The following ESR1 variants were observed in gnomAD, a reference collection of about 807,000 sequenced individuals.
ESR1 encodes estrogen receptor.
ESR1 carries 12 observed loss-of-function variants against 52.7 expected under a neutral mutation model. The observed-to-expected ratio is 0.23, with a 90% CI of 0.15 to 0.37. The LOEUF is 0.37. ESR1 is among the 10% of genes least tolerant of loss of function. The pLI is 1.00. For synonymous variants in ESR1, 305 were observed against 316.8 expected, an observed-to-expected ratio of 0.96 and a Z score of 0.39; for missense variants, 584 against 779.7, an observed-to-expected ratio of 0.75 and a Z score of 2.99.
chr6:151,755,248 A>G (rs1784197651), intron 2 of ESR1, among the ~76,000 whole-genome samples: 1 of 151,880 alleles, frequency 6.6e-6, no homozygotes, highest in Admixed American at 6.6e-5. Flanking sequence ...AACCAAAAAA[A>G]AAAAGCAAAG....
At chr6:151,818,616 A>G (rs1562438702) in intron 1 of ESR1, among the ~76,000 whole-genome samples, 2 of 152,120 alleles carry the variant, frequency 1.3e-5, no homozygotes. Flanking sequence ...TTTCTAGGAC[A>G]TCTTAAAAAC....
chr6:152,011,633 G>C (rs760103893), intron 4 of ESR1, 23 bp from the exon 5 acceptor site: 1 of 1,612,968 alleles, frequency 6.2e-7, no homozygotes, highest in South Asian at 1.1e-5. Context: ...TGAGTCAGCA[G>C]GGTTTTTCTT....
chr6:152,012,417 TAG>T (rs1262682416), intron 5 of ESR1, among the ~76,000 whole-genome samples: 2 of 151,982 alleles, frequency 1.3e-5, no homozygotes, highest in African/African-American at 4.8e-5. Context: ...CTGCCACTGA[TAG>T]AGTCTCCACC....
intron 6 of ESR1, among the ~76,000 whole-genome samples, chr6:152,064,710 T>C (rs1182570164): frequency 6.6e-6 from 1 of 152,218 alleles, no homozygotes; most frequent in Non-Finnish European, 1.5e-5. Context: ...CTATAAACTA[T>C]TTGTATTTTT....
intron 3 of ESR1, 78 bp downstream of exon 3, chr6:151,880,849 A>G: frequency 1.3e-6 from 1 of 765,724 alleles, no homozygotes; most frequent in Non-Finnish European, 2.3e-6. Context: ...TTGGAATAAC[A>G]CCATGGGAAT....
intron 6 of ESR1, among the ~76,000 whole-genome samples, chr6:152,112,324 CAGAAAGTTAAAATAGATGCCCTTTCAAAT>C (rs2051155233): frequency 6.6e-6 from 1 of 152,124 alleles, no homozygotes; most frequent in African/African-American, 2.4e-5. Context: ...TGCTTAGAAG[CAGAAAGTTAAAATAGATGCCCTTTCAAAT>C]TTCCTGTATC....
chr6:151,666,739 C>CCTG (rs1388009760), intron 1 of ESR1, among the ~76,000 whole-genome samples: 8 of 140,596 alleles, frequency 5.7e-5, no homozygotes, highest in Non-Finnish European at 9.2e-5. Flanking sequence ...TCCTCCTCCT[C>CCTG]CTCCAGGGAA....
chr6:151,805,956 TC>T (rs564809432), upstream of ESR1: 54 of 152,346 alleles, frequency 3.5e-4, no homozygotes, highest in African/African-American at 1.3e-3. Flanking sequence ...GTCTCCTTTT[TC>T]TTTCAGGACT....
upstream of ESR1, among the ~76,000 whole-genome samples, chr6:151,689,716 T>C (rs533593659): frequency 6.6e-6 from 1 of 152,294 alleles, no homozygotes; most frequent in Admixed American, 6.5e-5. Flanking sequence ...CGCCCCATTC[T>C]ACCATTCTCA....
intron 1 of ESR1, among the ~76,000 whole-genome samples, chr6:151,666,696 CCCTCCTCCTCCT>C (rs56871778): frequency 0.023 from 2,197 of 97,394 alleles, 80 homozygotes; most frequent in African/African-American, 0.066. Flanking sequence ...TTCCCCATCC[CCCTCCTCCTCCT>C]CCTCCTCCTC....
At chr6:151,682,266 C>A (rs1213115891) in intron 1 of ESR1, among the ~76,000 whole-genome samples, 1 of 152,172 alleles carries the variant, frequency 6.6e-6, no homozygotes, top group Non-Finnish European at 1.5e-5. Flanking sequence ...CATTGAATTG[C>A]ACGGTAGAGG....
At chr6:151,673,427 G>T (rs1363589279) in intron 1 of ESR1, among the ~76,000 whole-genome samples, 3 of 152,020 alleles carry the variant, frequency 2.0e-5, no homozygotes, top group Non-Finnish European at 4.4e-5. Flanking sequence ...ATCTTGTTTG[G>T]TCAGGTTTTC....
chr6:151,965,482 A>G (rs1351745519), intron 4 of ESR1, among the ~76,000 whole-genome samples: 33 of 152,236 alleles, frequency 2.2e-4, no homozygotes, highest in Non-Finnish European at 5.9e-5. Context: ...AGAGCTTTAT[A>G]TAATACATCC....
chr6:151,910,236 A>G (rs1043133549), intron 3 of ESR1, among the ~76,000 whole-genome samples: 4 of 151,970 alleles, frequency 2.6e-5, no homozygotes, highest in African/African-American at 9.7e-5. Flanking sequence ...TAAATTTTTA[A>G]TTCAATTTAA....
intron 2 of ESR1, among the ~76,000 whole-genome samples, chr6:151,742,908 G>C (rs1034548989): frequency 6.6e-6 from 1 of 152,180 alleles, no homozygotes; most frequent in African/African-American, 2.4e-5. Context: ...TCTCACAGAT[G>C]GTTGAGAATA....
chr6:152,108,097 G>T (rs369464403), downstream of ESR1, among the ~76,000 whole-genome samples: 8 of 152,178 alleles, frequency 5.3e-5, no homozygotes, highest in East Asian at 1.2e-3. Flanking sequence ...CAGCCGTCAT[G>T]GTCAGACAGG....
At chr6:152,067,211 A>G (rs1025826114) in intron 6 of ESR1, among the ~76,000 whole-genome samples, 5 of 152,224 alleles carry the variant, frequency 3.3e-5, no homozygotes, top group African/African-American at 9.6e-5. Flanking sequence ...TTGCTCCTGC[A>G]TCTTGTTGCA....
intron 1 of ESR1, among the ~76,000 whole-genome samples, chr6:151,821,191 T>C (rs1394334759): frequency 6.6e-6 from 1 of 152,080 alleles, no homozygotes; most frequent in East Asian, 1.9e-4. Flanking sequence ...CCAGTTCCTG[T>C]TCACCGAGGG....
At chr6:151,876,627 G>T (rs1791865695) in intron 2 of ESR1, among the ~76,000 whole-genome samples, 1 of 152,150 alleles carries the variant, frequency 6.6e-6, no homozygotes, top group Non-Finnish European at 1.5e-5. Context: ...AGGGAAGCTT[G>T]GGGAAAAGCT....
Sources: allele counts gnomAD v4.1 joint callset (sites outside exome capture counted in the v4.1 genomes callset), GRCh38; gene constraint gnomAD v4.1.1; transcripts MANE v1.5; gene names NCBI Gene and HGNC (gene_info 2026-07-23, HGNC 2026-07-21).